Variants in ZFHX3 observed in about 807,000 individuals in gnomAD.
ZFHX3 encodes the protein zinc finger homeobox protein 3.
Under a neutral mutation model 279.1 loss-of-function variants are expected in ZFHX3, and 42 were observed. That is an observed-to-expected ratio of 0.15 (90% CI 0.12 to 0.19). The LOEUF (loss-of-function observed/expected upper bound fraction) is 0.19, where lower values mean the gene tolerates loss of function less well. Among genes scored for constraint, ZFHX3 ranks in the 10% least tolerant of loss-of-function variants. The pLI is 1.00. For missense variants in ZFHX3, 4,981 were observed against 4,754.0 expected, an observed-to-expected ratio of 1.05 and a Z score of -1.40; for synonymous variants, 2,293 against 1,957.8, an observed-to-expected ratio of 1.17 and a Z score of -4.52.
chr16:73,381,600 C>T (rs2016819131), intron 3 of ZFHX3, among the ~76,000 whole-genome samples: 1 of 152,272 alleles, frequency 6.6e-6, no homozygotes, highest in African/African-American at 2.4e-5. Context: ...AATGGCTAGT[C>T]ATCTAGAGCA....
At chr16:73,626,046 C>T (rs941140848) in intron 2 of ZFHX3, among the ~76,000 whole-genome samples, 13 of 151,988 alleles carry the variant, frequency 8.6e-5, no homozygotes, top group South Asian at 2.1e-4. Context: ...TTAGTAGAGA[C>T]GGGGTTTCAT....
At chr16:73,408,122 T>C (rs1264792277) in intron 3 of ZFHX3, among the ~76,000 whole-genome samples, 1 of 151,396 alleles carries the variant, frequency 6.6e-6, no homozygotes, top group Non-Finnish European at 1.5e-5. Flanking sequence ...TTTTTTTTTT[T>C]GCTTGGGTGG....
chr16:73,693,681 A>T (rs1241883371), intron 1 of ZFHX3, among the ~76,000 whole-genome samples: 2 of 152,192 alleles, frequency 1.3e-5, no homozygotes, highest in African/African-American at 4.8e-5. Flanking sequence ...GAGTACCATA[A>T]AGGAAAGCCC....
rs115018892 is a variant in ZFHX3 at position 73,419,167 on chromosome 16, A to G, written c.-1291+36836T>C. 4.2e-3 allele frequency among the ~76,000 whole-genome samples: 638 copies of G among 152,348 alleles called. 2 individuals are homozygous for G. Among genetic ancestry groups the G allele is most frequent in the African/African-American group, 0.014 (588 of 41,574 alleles). On this transcript the variant is annotated intron_variant, in intron 3 of 17. Coordinates refer to the ZFHX3 transcript ENST00000641206. ...ACAAGCAAGATGTTGAGTGAGACAG[A>G]CCGGCTAATGAAGGAAAGAAGTACT...
At chr16:73,420,235 T>C (rs1366990075) in intron 3 of ZFHX3, 1 of 152,198 alleles carries the variant, frequency 6.6e-6, no homozygotes, top group Non-Finnish European at 1.5e-5. Context: ...CTTGAGGTAA[T>C]AAATATTTTT....
intron 3 of ZFHX3, among the ~76,000 whole-genome samples, chr16:72,909,815 C>T (rs1054745023): frequency 1.4e-5 from 2 of 147,786 alleles, no homozygotes; most frequent in Admixed American, 6.9e-5. Context: ...GAAGTTGAGG[C>T]CGCAATGAGC....
At chr16:73,157,113 AAGTCT>A (rs1291791999) in intron 5 of ZFHX3, among the ~76,000 whole-genome samples, 2 of 152,100 alleles carry the variant, frequency 1.3e-5, no homozygotes, top group Non-Finnish European at 2.9e-5. Flanking sequence ...CCTGCCTCTG[AAGTCT>A]AGCCACCCAC....
intron 2 of ZFHX3, among the ~76,000 whole-genome samples, chr16:73,639,813 G>A (rs1371866251): frequency 6.6e-6 from 1 of 152,014 alleles, no homozygotes. Context: ...AGGAAACTGG[G>A]AACAAAGACA....
chr16:73,151,754 A>T (rs1016210227), intron 5 of ZFHX3, among the ~76,000 whole-genome samples: 11 of 152,142 alleles, frequency 7.2e-5, no homozygotes, highest in Non-Finnish European at 1.2e-4. Flanking sequence ...TCCAATCTCC[A>T]TGGGTTCCTT....
chr16:73,832,534 T>C (rs1467695074), intron 1 of ZFHX3, among the ~76,000 whole-genome samples: 3 of 152,134 alleles, frequency 2.0e-5, no homozygotes, highest in Non-Finnish European at 4.4e-5. Flanking sequence ...ATAGGCCCTT[T>C]TTAAGTTTTT....
At chr16:73,220,896 G>C (rs185785578) in intron 5 of ZFHX3, among the ~76,000 whole-genome samples, 4 of 152,256 alleles carry the variant, frequency 2.6e-5, no homozygotes, top group Non-Finnish European at 5.9e-5. Flanking sequence ...GAGCACGGGC[G>C]ATGGATGTTT....
chr16:73,637,089 T>C lies in ZFHX3; in HGVS notation c.-1547+43091A>G, dbSNP rs1358583225. Among the ~76,000 whole-genome samples, 50 of 152,040 alleles carry C rather than the reference T, an allele frequency of 3.3e-4. 1 individual carries two copies. Among genetic ancestry groups the C allele is most frequent in the Admixed American group, 3.3e-3 (50 of 15,268 alleles). ...CAACAGAAAAAAATATGTAAAAATA[T>C]ACTTGAATATATATAAGAATTTGTA... On this transcript the variant is annotated intron_variant, in intron 2 of 17. Coordinates refer to the ZFHX3 transcript ENST00000641206.
chr16:73,469,823 G>T (rs2018634347), intron 2 of ZFHX3, among the ~76,000 whole-genome samples: 1 of 151,934 alleles, frequency 6.6e-6, no homozygotes, highest in East Asian at 1.9e-4. Context: ...TCACCATCTT[G>T]GTCAGCCTGG....
chr16:73,490,828 C>A (rs2019046275), intron 2 of ZFHX3, among the ~76,000 whole-genome samples: 1 of 152,178 alleles, frequency 6.6e-6, no homozygotes, highest in African/African-American at 2.4e-5. Context: ...CAGAACAAGA[C>A]CCTGTCTCTC....
intron 4 of ZFHX3, among the ~76,000 whole-genome samples, chr16:72,833,613 C>T (rs1253149385): frequency 6.6e-6 from 1 of 152,144 alleles, no homozygotes; most frequent in Non-Finnish European, 1.5e-5. Context: ...ATGGTATTTC[C>T]AATCCCAACC....
In ZFHX3 at chr16:73,549,569, T is replaced by G. The variant is rs538820419; in HGVS notation, c.-1546-93311A>C. Among the ~76,000 whole-genome samples the G allele has an allele frequency of 2.9e-4, 44 of 152,326 alleles. 2 individuals carry two copies. Among genetic ancestry groups the G allele is most frequent in the African/African-American group, 1.0e-3 (43 of 41,588 alleles). ...CTTCTCTTTAAAACTATTTCAAGCC[T>G]TTTCTAAAGATTTCTCACATCAGTA... On this transcript the variant is annotated intron_variant, in intron 2 of 17. Coordinates refer to the ZFHX3 transcript ENST00000641206.
At position 72,957,797 on chromosome 16, in the gene ZFHX3, T is replaced by TGCC. The variant is rs757316139; in HGVS notation, c.2346_2348dup (p.Ala784dup). ...CCCCGCAGGAGCTACTGATATTGGCTGCCGCCGCCGCCGCAGCCACCGCCG... is the reference window on the plus strand; with the variant it reads ...CCCCGCAGGAGCTACTGATATTGGCTGCCGCCGCCGCCGCCGCAGCCACCGCCG... On this transcript the variant is annotated inframe_insertion, in exon 2 of 10. Coordinates refer to ENST00000268489, the MANE Select transcript of ZFHX3 (RefSeq NM_006885.4). 8,402 of 1,607,308 alleles carry TGCC rather than the reference T, an allele frequency of 5.2e-3. 22 individuals carry two copies. The highest frequency in any genetic ancestry group is 6.1e-3 in the Non-Finnish European group (7,199 of 1,176,866).
intron 4 of ZFHX3, among the ~76,000 whole-genome samples, chr16:73,288,656 G>A (rs561231067): frequency 2.8e-4 from 43 of 152,200 alleles, no homozygotes; most frequent in African/African-American, 1.0e-3. Context: ...CCCAAACTCA[G>A]TTTCCCCCAG....
chr16:73,650,461 T>G (rs1233989084), intron 2 of ZFHX3, among the ~76,000 whole-genome samples: 1 of 152,126 alleles, frequency 6.6e-6, no homozygotes, highest in African/African-American at 2.4e-5. Context: ...CTCAGGGGAC[T>G]GACTTAAAGT....
Sources: gnomAD v4.1 joint callset for allele counts (sites outside exome capture counted in the v4.1 genomes callset) on GRCh38, gnomAD v4.1.1 for gene constraint, MANE v1.5 for transcripts, NCBI Gene and HGNC (gene_info 2026-07-23, HGNC 2026-07-21) for gene names.